The following MSRB3 variants were observed in gnomAD, a reference collection of about 807,000 sequenced individuals.
The protein encoded by MSRB3 is methionine sulfoxide reductase B3.
A neutral mutation model predicts 21.0 loss-of-function variants in MSRB3; 13 were observed. That is an observed-to-expected ratio of 0.62 (90% CI 0.40 to 0.98). MSRB3 has a LOEUF of 0.98. Ranked by LOEUF, MSRB3 falls within the 50% of genes least tolerant of loss-of-function variation. MSRB3 has a pLI of 0.00. For synonymous variants in MSRB3, 87 were observed against 88.6 expected, an observed-to-expected ratio of 0.98 and a Z score of 0.10; for missense variants, 199 against 230.3, an observed-to-expected ratio of 0.86 and a Z score of 0.88.
At chr12:65,431,962 C>T (rs974153207) in intron 5 of MSRB3, among the ~76,000 whole-genome samples, 6 of 152,076 alleles carry the variant, frequency 3.9e-5, no homozygotes, top group Middle Eastern at 3.4e-3. Flanking sequence ...ACAAATTATT[C>T]GGAAGTTGGT....
chr12:65,350,681 A>G, intron 4 of MSRB3, among the ~76,000 whole-genome samples: 1 of 141,886 alleles, frequency 7.0e-6, no homozygotes, highest in African/African-American at 2.8e-5. Flanking sequence ...GATAAAACAG[A>G]CTTTAAACCA....
At chr12:65,301,241 C>A (rs944457462) in intron 1 of MSRB3, among the ~76,000 whole-genome samples, 6 of 151,978 alleles carry the variant, frequency 3.9e-5, no homozygotes, top group African/African-American at 1.5e-4. Context: ...ATAAGACTAT[C>A]ATAACATATA....
At chr12:65,453,992 T>C (rs1356190171) in intron 6 of MSRB3, 167 bp downstream of exon 6, 4 of 707,594 alleles carry the variant, frequency 5.7e-6, no homozygotes, top group Non-Finnish European at 1.0e-5. Flanking sequence ...GCAAGTCTAG[T>C]GGAATGTTAA....
chr12:65,288,089 G>C (rs1872481295), intron 1 of MSRB3, among the ~76,000 whole-genome samples: 1 of 151,914 alleles, frequency 6.6e-6, no homozygotes, highest in Non-Finnish European at 1.5e-5. Flanking sequence ...CGGATCACGA[G>C]GTCAAGAGAT....
intron 1 of MSRB3, among the ~76,000 whole-genome samples, chr12:65,296,363 C>T (rs1872964739): frequency 6.6e-6 from 1 of 152,190 alleles, no homozygotes; most frequent in African/African-American, 2.4e-5. Flanking sequence ...CTTCGTCTTA[C>T]TTTTCAATCT....
intron 4 of MSRB3, among the ~76,000 whole-genome samples, chr12:65,338,235 T>C (rs1401519526): frequency 6.6e-6 from 1 of 152,226 alleles, no homozygotes; most frequent in African/African-American, 2.4e-5. Flanking sequence ...ATGCTTCTGC[T>C]GTGGGCTATT....
At chr12:65,336,047 C>T (rs1423745957) in intron 4 of MSRB3, among the ~76,000 whole-genome samples, 4 of 152,178 alleles carry the variant, frequency 2.6e-5, no homozygotes, top group Non-Finnish European at 5.9e-5. Flanking sequence ...ATAAAATTGA[C>T]TTCTCTCAGC....
Position 65,278,816 on chromosome 12 carries a change from C to T in MSRB3, c.-101C>T, listed in dbSNP as rs966447003. 5.1e-6 allele frequency: 8 copies of T among 1,564,686 alleles called. No homozygotes were observed. The African/African-American group carries it at 6.8e-5, about 13-fold the overall frequency. On this transcript the variant is annotated 5_prime_UTR_variant, in exon 1 of 7. Transcript: ENST00000308259. Reference sequence around the variant, plus strand: ...CGCGCCCCCTCTCGCTCTGCCTCTCCCTCTGCCTCTGCCTCTGCCTGGCCG... The same window carrying T: ...CGCGCCCCCTCTCGCTCTGCCTCTCTCTCTGCCTCTGCCTCTGCCTGGCCG...
chr12:65,400,557 C>A (rs577550035), intron 5 of MSRB3, among the ~76,000 whole-genome samples: 1 of 152,192 alleles, frequency 6.6e-6, no homozygotes, highest in East Asian at 1.9e-4. Context: ...TTTCAAAAAA[C>A]CAGCTCCTGG....
chr12:65,287,742 C>A (rs1188285086), intron 1 of MSRB3, among the ~76,000 whole-genome samples: 1 of 151,990 alleles, frequency 6.6e-6, no homozygotes, highest in Non-Finnish European at 1.5e-5. Context: ...CCTTAGGGGG[C>A]CAGGAAGAGG....
intron 5 of MSRB3, among the ~76,000 whole-genome samples, chr12:65,436,628 T>C (rs1022015095): frequency 1.3e-5 from 2 of 151,914 alleles, no homozygotes; most frequent in African/African-American, 4.8e-5. Context: ...CATTAAGCAA[T>C]TCAGGATTTC....
intron 5 of MSRB3, among the ~76,000 whole-genome samples, chr12:65,387,707 T>C (rs1355841475): frequency 6.6e-6 from 1 of 152,168 alleles, no homozygotes; most frequent in Non-Finnish European, 1.5e-5. Flanking sequence ...ATAATTATAA[T>C]GCCTACCTCA....
intron 5 of MSRB3, among the ~76,000 whole-genome samples, chr12:65,412,162 A>T (rs1880749056): frequency 6.6e-6 from 1 of 152,120 alleles, no homozygotes; most frequent in African/African-American, 2.4e-5. Context: ...CCAGTTCAAG[A>T]TTTTCCTATT....
At chr12:65,364,177 C>T (rs982177576) in intron 4 of MSRB3, among the ~76,000 whole-genome samples, 1 of 152,146 alleles carries the variant, frequency 6.6e-6, no homozygotes, top group African/African-American at 2.4e-5. Context: ...AGGGTACATT[C>T]CTTCCCTATA....
At chr12:65,368,550 A>G (rs1878140627) in intron 4 of MSRB3, among the ~76,000 whole-genome samples, 1 of 152,186 alleles carries the variant, frequency 6.6e-6, no homozygotes, top group Admixed American at 6.5e-5. Flanking sequence ...TTCTTATTAA[A>G]TGTATGGGGT....
At chr12:65,337,270 A>AAAC (rs982118016) in intron 4 of MSRB3, among the ~76,000 whole-genome samples, 30 of 151,240 alleles carry the variant, frequency 2.0e-4, no homozygotes, top group African/African-American at 6.8e-4. Flanking sequence ...AAACAAAACA[A>AAAC]AAAAAAACCA....
intron 5 of MSRB3, among the ~76,000 whole-genome samples, chr12:65,447,383 A>G (rs1333327531): frequency 2.6e-5 from 4 of 152,200 alleles, no homozygotes; most frequent in East Asian, 1.9e-4. Flanking sequence ...GAGATATTTT[A>G]GGGAATCATA....
At chr12:65,431,787 G>C (rs1881891145) in intron 5 of MSRB3, among the ~76,000 whole-genome samples, 1 of 152,070 alleles carries the variant, frequency 6.6e-6, no homozygotes, top group African/African-American at 2.4e-5. Context: ...GCATGCACAA[G>C]TCTTTGTGTG....
At chr12:65,376,596 T>C (rs1447574328) in intron 5 of MSRB3, among the ~76,000 whole-genome samples, 1 of 151,464 alleles carries the variant, frequency 6.6e-6, no homozygotes, top group African/African-American at 2.4e-5. Flanking sequence ...AACCAAACAC[T>C]GCATGTTCTC....
Sources: gnomAD v4.1 joint callset for allele counts (sites outside exome capture counted in the v4.1 genomes callset) on GRCh38, gnomAD v4.1.1 for gene constraint, MANE v1.5 for transcripts, NCBI Gene and HGNC (gene_info 2026-07-23, HGNC 2026-07-21) for gene names.